The following POFUT3 variants were observed in gnomAD, a reference collection of about 807,000 sequenced individuals.
POFUT3 encodes protein O-fucosyltransferase 3, also known as GDP-fucose protein O-fucosyltransferase 3.
chr8:33,469,096 A>C, the POFUT3 span, among the ~76,000 whole-genome samples: 1 of 152,196 alleles, frequency 6.6e-6, no homozygotes, highest in East Asian at 1.9e-4. Context: ...TCTTGAGGCC[A>C]GGAGTTGGAG....
chr8:33,389,572 C>T, the POFUT3 span: 1 of 1,614,186 alleles, frequency 6.2e-7, no homozygotes, highest in Non-Finnish European at 8.5e-7. Context: ...TTTTGGACTG[C>T]AAAGGAACTA....
the POFUT3 span, among the ~76,000 whole-genome samples, chr8:33,374,080 G>A: frequency 2.6e-5 from 4 of 152,298 alleles, no homozygotes; most frequent in South Asian, 2.1e-4. Context: ...GAGCATTGCC[G>A]TCTGAGCTCT....
At chr8:33,409,193 C>G in the POFUT3 span, among the ~76,000 whole-genome samples, 1 of 152,160 alleles carries the variant, frequency 6.6e-6, no homozygotes, top group Admixed American at 6.5e-5. Flanking sequence ...ACCTCTGACT[C>G]CCGGATTCAA....
chr8:33,357,149 A>T, the POFUT3 span, among the ~76,000 whole-genome samples: 1 of 152,242 alleles, frequency 6.6e-6, no homozygotes, highest in East Asian at 1.9e-4. Flanking sequence ...TGACTTGGTG[A>T]TGCAGGCTCT....
the POFUT3 span, among the ~76,000 whole-genome samples, chr8:33,421,063 A>G: frequency 1.3e-5 from 2 of 151,976 alleles, no homozygotes; most frequent in South Asian, 4.1e-4. Flanking sequence ...CCTTTTTGTG[A>G]AAGAAATGTT....
At chr8:33,416,661 C>T in the POFUT3 span, among the ~76,000 whole-genome samples, 2 of 151,870 alleles carry the variant, frequency 1.3e-5, no homozygotes, top group Non-Finnish European at 1.5e-5. Context: ...ACCTGGCCAA[C>T]GTGGTGAAAC....
chr8:33,446,493 G>A, the POFUT3 span, among the ~76,000 whole-genome samples: 1 of 151,790 alleles, frequency 6.6e-6, no homozygotes, highest in South Asian at 2.1e-4. Context: ...GTGTCCTTTG[G>A]CGCCTGGCAC....
chr8:33,433,606 C>T, the POFUT3 span, among the ~76,000 whole-genome samples: 85,512 of 142,942 alleles, frequency 0.6, 25,339 homozygotes, highest in African/African-American at 0.65. Context: ...AGTGAGACTT[C>T]GTCTCAAAAA....
the POFUT3 span, among the ~76,000 whole-genome samples, chr8:33,450,233 G>C: frequency 1.3e-5 from 2 of 152,168 alleles, no homozygotes; most frequent in South Asian, 4.1e-4. Flanking sequence ...GAGCCATTGT[G>C]CCCGGCCTAT....
the POFUT3 span, among the ~76,000 whole-genome samples, chr8:33,429,145 A>T: frequency 6.6e-6 from 1 of 152,170 alleles, no homozygotes; most frequent in Non-Finnish European, 1.5e-5. Flanking sequence ...TCCTTTTACA[A>T]ATAAGAAAAG....
At chr8:33,452,866 T>G in the POFUT3 span, 1 of 228,026 alleles carries the variant, frequency 4.4e-6, no homozygotes, top group Non-Finnish European at 8.5e-6. Flanking sequence ...TCTATATTTT[T>G]TGTGAATGTA....
the POFUT3 span, among the ~76,000 whole-genome samples, chr8:33,395,140 G>A: frequency 6.6e-6 from 1 of 152,160 alleles, no homozygotes; most frequent in East Asian, 1.9e-4. Context: ...CAGGAGGCAG[G>A]GAAATACTGG....
the POFUT3 span, chr8:33,372,334 C>T: frequency 1.2e-5 from 15 of 1,258,530 alleles, no homozygotes; most frequent in African/African-American, 1.1e-4. Context: ...TCCACAGACA[C>T]GGACATGGAA....
At chr8:33,323,565 A>G in the POFUT3 span, among the ~76,000 whole-genome samples, 1 of 152,194 alleles carries the variant, frequency 6.6e-6, no homozygotes, top group African/African-American at 2.4e-5. Flanking sequence ...TGCAAGTCAG[A>G]TGCCTTGGAG....
chr8:33,372,767 T>C, the POFUT3 span: 1 of 1,613,822 alleles, frequency 6.2e-7, no homozygotes, highest in African/African-American at 1.3e-5. Context: ...GCAACTCAGG[T>C]GGGTATCTTC....
chr8:33,345,856 G>A, the POFUT3 span, among the ~76,000 whole-genome samples: 7 of 143,864 alleles, frequency 4.9e-5, no homozygotes, highest in Non-Finnish European at 7.6e-5. Context: ...ATGGAGTTTC[G>A]CTCTTGTTGC....
chr8:33,335,885 G>A, the POFUT3 span, among the ~76,000 whole-genome samples: 6 of 152,122 alleles, frequency 3.9e-5, no homozygotes, highest in Non-Finnish European at 7.4e-5. Context: ...CTGAAGAGGA[G>A]GAGGAATAAG....
At chr8:33,329,926 A>T in the POFUT3 span, among the ~76,000 whole-genome samples, 1 of 152,196 alleles carries the variant, frequency 6.6e-6, no homozygotes, top group South Asian at 2.1e-4. Context: ...ACAAATACTT[A>T]ATAATAGAAG....
the POFUT3 span, among the ~76,000 whole-genome samples, chr8:33,462,177 T>TGGAGG: frequency 1.7e-4 from 1 of 5,990 alleles, no homozygotes; most frequent in Non-Finnish European, 3.5e-4. Flanking sequence ...GGGACCAGAG[T>TGGAGG]GGTGAATTGA....
Sources: allele counts gnomAD v4.1 joint callset (sites outside exome capture counted in the v4.1 genomes callset), GRCh38; gene constraint gnomAD v4.1.1; transcripts MANE v1.5; gene names NCBI Gene and HGNC (gene_info 2026-07-23, HGNC 2026-07-21).